The following KLHL5 variants were observed in gnomAD, a reference collection of about 807,000 sequenced individuals.
KLHL5 encodes kelch-like protein 5.
Under a neutral mutation model 77.7 loss-of-function variants are expected in KLHL5, and 48 were observed. The ratio of observed to expected loss-of-function variants is 0.62; its 90% CI spans 0.49 to 0.79. The LOEUF is 0.79. KLHL5 is among the 30% of genes least tolerant of loss of function. KLHL5 has a pLI of 0.00. For synonymous variants in KLHL5, 260 were observed against 297.0 expected, an observed-to-expected ratio of 0.88 and a Z score of 1.28; for missense variants, 723 against 859.7, an observed-to-expected ratio of 0.84 and a Z score of 1.99.
chr4:39,127,101 T>A (rs925581356), downstream of KLHL5, among the ~76,000 whole-genome samples: 1 of 152,102 alleles, frequency 6.6e-6, no homozygotes, highest in Admixed American at 6.6e-5. Context: ...TTTGGGAGGC[T>A]GAGGCTGGGG....
intron 6 of KLHL5, among the ~76,000 whole-genome samples, chr4:39,102,587 A>AT (rs1248173615): frequency 6.6e-6 from 1 of 152,000 alleles, no homozygotes; most frequent in African/African-American, 2.4e-5. Context: ...CCCACGAACC[A>AT]TAATGAACAT....
Position 39,107,728 on chromosome 4 carries a change from GA to G in KLHL5, c.1688del (p.Lys563AsnfsTer17). 1 of 1,579,868 alleles carries G rather than the reference GA, an allele frequency of 6.3e-7. No homozygotes were observed. The highest frequency in any genetic ancestry group is 8.6e-7 in the Non-Finnish European group (1 of 1,157,632). On this transcript the variant is annotated frameshift_variant and splice_region_variant, in exon 8 of 11. Transcript: ENST00000504108. LOFTEE classifies it high-confidence loss of function. ...ACAGTAGGTGTGGCAGTACTAAGTG[GA>G]AAGTAAGGAAATATTTAAAGTTCCA... Reference protein sequence around the residue: ...RSTVGVAVLSGKLYAVGGRDG... With the variant: ...RSTVGVAVLSXKLYAVGGRDG...
At chr4:39,055,430 A>G (rs1023147744) in intron 1 of KLHL5, among the ~76,000 whole-genome samples, 4 of 152,262 alleles carry the variant, frequency 2.6e-5, no homozygotes, top group Non-Finnish European at 5.9e-5. Flanking sequence ...TATAGAAACC[A>G]TAAGTGGAAA....
intron 1 of KLHL5, among the ~76,000 whole-genome samples, chr4:39,069,488 A>T (rs1351511577): frequency 7.0e-6 from 1 of 142,480 alleles, no homozygotes; most frequent in Non-Finnish European, 1.5e-5. Context: ...ACACACACAC[A>T]CACACACACA....
chr4:39,140,535 T>A, the KLHL5 span, among the ~76,000 whole-genome samples: 1 of 152,220 alleles, frequency 6.6e-6, no homozygotes, highest in South Asian at 2.1e-4. Flanking sequence ...AATTTTCTGA[T>A]TGGTTCAAAT....
chr4:39,103,606 T>TGCGTCAGCAGCAGTCACC, intron 7 of KLHL5, 95 bp downstream of exon 7: 1 of 938,030 alleles, frequency 1.1e-6, no homozygotes, highest in South Asian at 1.4e-5. Flanking sequence ...TGGCAGCCAC[T>TGCGTCAGCAGCAGTCACC]GCGTCAGCAG....
upstream of KLHL5, among the ~76,000 whole-genome samples, chr4:39,060,801 C>G: frequency 6.6e-6 from 1 of 152,264 alleles, no homozygotes; most frequent in Non-Finnish European, 1.5e-5. Flanking sequence ...CTCTCTAATG[C>G]GTCCTGCACA....
intron 5 of KLHL5, 123 bp downstream of exon 5, chr4:39,086,850 A>C (rs1720085397): frequency 5.0e-6 from 3 of 594,546 alleles, no homozygotes; most frequent in African/African-American, 3.8e-5. Context: ...AATTCTGCTT[A>C]TGCTTTCAGT....
At chr4:39,102,662 G>A (rs1721690006) in intron 6 of KLHL5, among the ~76,000 whole-genome samples, 1 of 152,022 alleles carries the variant, frequency 6.6e-6, no homozygotes, top group African/African-American at 2.4e-5. Context: ...CTCTCAACCA[G>A]ATCCTTTTCA....
Position 39,125,031 on chromosome 4 carries a change from A to G in KLHL5, c.*3965A>G, listed in dbSNP as rs986402930. On this transcript the variant is annotated 3_prime_UTR_variant, in exon 11 of 11. Transcript: ENST00000504108. ...GACTTAAATAGACATTTCTCTAATG[A>G]AGATATACAAATGGCCGACAAGCAC... is the stretch of plus-strand genomic sequence containing the variant. Among the ~76,000 whole-genome samples the G allele has an allele frequency of 6.6e-6, 1 of 152,142 alleles. No individual in the cohort carries two copies. Among genetic ancestry groups the G allele is most frequent in the Admixed American group, 6.6e-5 (1 of 15,256 alleles).
intron 2 of KLHL5, 78 bp downstream of exon 2, chr4:39,076,225 C>A (rs574867684): frequency 2.8e-5 from 35 of 1,239,374 alleles, no homozygotes; most frequent in Non-Finnish European, 3.9e-5. Context: ...TAACCTACTT[C>A]AATTGACTAT....
chr4:39,135,684 A>G, the KLHL5 span: 1 of 152,230 alleles, frequency 6.6e-6, no homozygotes, highest in Admixed American at 6.5e-5. Context: ...CGGGTGGATC[A>G]CCTGAAGTCA....
chr4:39,058,085 T>G (rs557578946), upstream of KLHL5, among the ~76,000 whole-genome samples: 1 of 152,320 alleles, frequency 6.6e-6, no homozygotes, highest in East Asian at 1.9e-4. Context: ...GTATTCATAA[T>G]TGACACATAT....
intron 7 of KLHL5, 86 bp from the exon 8 acceptor site, chr4:39,107,483 C>A: frequency 1.2e-6 from 1 of 834,436 alleles, no homozygotes; most frequent in South Asian, 2.0e-5. Flanking sequence ...ATGTTTAAGG[C>A]TTATTGTACT....
chr4:39,088,725 G>A (rs1720266397), intron 5 of KLHL5, among the ~76,000 whole-genome samples: 1 of 152,136 alleles, frequency 6.6e-6, no homozygotes, highest in Non-Finnish European at 1.5e-5. Context: ...TGACGAGAAG[G>A]CAGGGAGAAT....
At chr4:39,106,664 A>T (rs1316431790) in intron 7 of KLHL5, among the ~76,000 whole-genome samples, 1 of 152,240 alleles carries the variant, frequency 6.6e-6, no homozygotes, top group Non-Finnish European at 1.5e-5. Flanking sequence ...CTTAAATCCA[A>T]ATTGTTGAAA....
upstream of KLHL5, among the ~76,000 whole-genome samples, chr4:39,060,884 C>T (rs1363425283): frequency 6.6e-6 from 1 of 152,176 alleles, no homozygotes; most frequent in Non-Finnish European, 1.5e-5. Flanking sequence ...GCTGCTTGCT[C>T]AAGGCATTTT....
At chr4:39,130,556 A>G (rs9996285), downstream of KLHL5, among the ~76,000 whole-genome samples, 80,151 of 151,930 alleles carry the variant, frequency 0.53, 21,715 homozygotes, top group Non-Finnish European at 0.59. Flanking sequence ...CCAACAACTC[A>G]AAGAATTTTA....
At chr4:39,068,436 A>AGTGT (rs1718100986) in intron 1 of KLHL5, among the ~76,000 whole-genome samples, 1 of 71,804 alleles carries the variant, frequency 1.4e-5, no homozygotes, top group Non-Finnish European at 2.9e-5. Flanking sequence ...CCCAGAAAAC[A>AGTGT]CTGTGTGTGT....
Sources: allele counts gnomAD v4.1 joint callset (sites outside exome capture counted in the v4.1 genomes callset), GRCh38; gene constraint gnomAD v4.1.1; transcripts MANE v1.5; gene names NCBI Gene and HGNC (gene_info 2026-07-23, HGNC 2026-07-21).